Variants in RBM4 observed in about 807,000 individuals in gnomAD.
RBM4 encodes the protein RNA-binding protein 4.
RBM4 carries 7 observed loss-of-function variants against 29.5 expected under a neutral mutation model. The ratio of observed to expected loss-of-function variants is 0.24; its 90% CI spans 0.14 to 0.45. The LOEUF is 0.45. RBM4 is among the 20% of genes least tolerant of loss of function. RBM4 has a pLI of 1.00. For synonymous variants in RBM4, 220 were observed against 205.4 expected, an observed-to-expected ratio of 1.07 and a Z score of -0.61; for missense variants, 387 against 502.3, an observed-to-expected ratio of 0.77 and a Z score of 2.19.
At chr11:66,644,994 T>C (rs1411396368) in intron 3 of RBM4, among the ~76,000 whole-genome samples, 1 of 152,104 alleles carries the variant, frequency 6.6e-6, no homozygotes, top group Non-Finnish European at 1.5e-5. Context: ...TCTCAGGGTA[T>C]ATGTTTTAAG....
At position 66,640,087 on chromosome 11, in the gene RBM4, G is replaced by T; in HGVS notation, c.376G>T (p.Glu126Ter). 1 of 1,614,216 alleles carries T rather than the reference G, an allele frequency of 6.2e-7. No individual in the cohort carries two copies. The highest frequency in any genetic ancestry group is 8.5e-7 in the Non-Finnish European group (1 of 1,180,030). ...VHMERAEDAV[E>*]AIRGLDNTEF... ...CATGGAGCGGGCAGAGGATGCAGTG[G>T]AGGCCATCAGGGGCCTTGATAACAC... is the stretch of plus-strand genomic sequence containing the variant. Residue 126 changes from glutamate (E) to a stop codon, truncating the protein, a stop_gained, in exon 2 of 4, where the codon GAG (glutamate) becomes TAG (stop). Transcript: ENST00000310092. LOFTEE classifies it high-confidence loss of function.
rs1938560189 is a variant in RBM4, at chr11:66,643,560, T to C, written c.523T>C (p.Cys175Arg). ...GAAAGAGGGGCACTGGTCCAAAGAG[T>C]GTCCGATAGATCGTTCAGGCCGCGT... ...CGKEGHWSKECPIDRSGRVAD... is the reference protein window; with the variant it reads ...CGKEGHWSKERPIDRSGRVAD... Residue 175 changes from cysteine to arginine, a missense_variant, in exon 3 of 4, where the codon TGT becomes CGT. Transcript: ENST00000310092. This position sits in a 1 kb window ranked among gnomAD's most constrained non-coding sequence, Gnocchi z 6.1. The C allele has an allele frequency of 1.2e-6, 2 of 1,613,744 alleles. No individual in the cohort carries two copies. Among genetic ancestry groups the C allele is most frequent in the South Asian group, 1.1e-5 (1 of 91,070 alleles).
At chr11:66,649,036 GTCTC>G (rs1440701717), downstream of RBM4, among the ~76,000 whole-genome samples, 1 of 151,518 alleles carries the variant, frequency 6.6e-6, no homozygotes, top group African/African-American at 2.4e-5. Flanking sequence ...TTGAGACAGA[GTCTC>G]TCTGTTGCCC....
At chr11:66,649,631 G>C (rs1938783725), downstream of RBM4, 2 of 629,204 alleles carry the variant, frequency 3.2e-6, no homozygotes, top group Non-Finnish European at 5.7e-6. Context: ...CCAATCAAGT[G>C]TATCTTTGAG....
chr11:66,653,439 G>A (rs1938875939), intron 2 of RBM4, among the ~76,000 whole-genome samples: 1 of 146,296 alleles, frequency 6.8e-6, no homozygotes, highest in South Asian at 2.1e-4. Context: ...TCGGCTCACT[G>A]CAACCTCTGC....
chr11:66,661,059 G>A lies in RBM4; in HGVS notation c.413-4797G>A, dbSNP rs149672166. On this transcript the variant is annotated intron_variant, in intron 2 of 2. Transcript: ENST00000396053. ...GGATTTGCAGGGGTGACAGATACAC[G>A]GTTTGAATTTGGCCTGGATTCTCAA... Among the ~76,000 whole-genome samples, 730 of 152,232 alleles carry A rather than the reference G, an allele frequency of 4.8e-3. 5 individuals are homozygous for A. The highest frequency in any genetic ancestry group is 0.017 in the African/African-American group (694 of 41,538).
downstream of RBM4, chr11:66,649,683 G>A: frequency 1.4e-6 from 1 of 696,214 alleles, no homozygotes; most frequent in Non-Finnish European, 2.6e-6. Context: ...ACAAGGTTAT[G>A]CTGCCACTCC....
Position 66,643,363 on chromosome 11 carries a change from A to C in RBM4, c.413-87A>C. ...GTCCTGCATTAGAATTGTCTAGATA[A>C]AGCCATTGCTATGACCAGTGTCTGG... On this transcript the variant is annotated intron_variant, in intron 2 of 3. Transcript: ENST00000310092. This position sits in a 1 kb window ranked among gnomAD's most constrained non-coding sequence, Gnocchi z 6.1. 6.7e-7 allele frequency: 1 copy of C among 1,489,290 alleles called. No homozygotes were observed. Among genetic ancestry groups the C allele is most frequent in the East Asian group, 2.3e-5 (1 of 43,798 alleles). 92.3% of individuals were successfully genotyped at this position (1,489,290 alleles called of 1,614,324 possible).
intron 2 of RBM4, 171 bp downstream of exon 2, chr11:66,640,294 C>CT: frequency 1.1e-6 from 1 of 877,776 alleles, no homozygotes; most frequent in South Asian, 1.7e-5. Flanking sequence ...GACTTAGGGG[C>CT]TTTACCTTAG....
intron 2 of RBM4, among the ~76,000 whole-genome samples, chr11:66,663,004 A>G (rs1275147775): frequency 5.3e-5 from 8 of 152,184 alleles, no homozygotes; most frequent in African/African-American, 1.7e-4. Flanking sequence ...AATAAGGGAA[A>G]ATTTTTGCTT....
At chr11:66,665,712 T>C (rs758319142) in intron 2 of RBM4, 8 of 1,438,560 alleles carry the variant, frequency 5.6e-6, no homozygotes, top group African/African-American at 1.4e-5. Context: ...TCAGACTGGA[T>C]CTAACTCATA....
At chr11:66,644,256 C>T in intron 3 of RBM4, 116 bp downstream of exon 3, 2 of 1,381,492 alleles carry the variant, frequency 1.4e-6, no homozygotes, top group Non-Finnish European at 1.9e-6. Context: ...GGGAAGGTTA[C>T]TAGGATGGCT....
intron 2 of RBM4, among the ~76,000 whole-genome samples, chr11:66,653,637 C>T (rs367655285): frequency 6.6e-6 from 1 of 152,282 alleles, no homozygotes; most frequent in East Asian, 1.9e-4. Flanking sequence ...GTTGGGATTA[C>T]AGGTGTGACC....
chr11:66,660,397 G>GC (rs1239495090), intron 2 of RBM4, among the ~76,000 whole-genome samples: 33 of 148,868 alleles, frequency 2.2e-4, no homozygotes, highest in Admixed American at 2.7e-4. Flanking sequence ...CTGCAACCAG[G>GC]CTGGAGTGCA....
intron 2 of RBM4, among the ~76,000 whole-genome samples, chr11:66,656,224 C>A (rs964480332): frequency 6.6e-6 from 1 of 152,046 alleles, no homozygotes; most frequent in Non-Finnish European, 1.5e-5. Context: ...GCAAGCTCTA[C>A]CTCCTGGGTT....
At chr11:66,640,281 TG>T in intron 2 of RBM4, 158 bp downstream of exon 2, 1 of 998,354 alleles carries the variant, frequency 1.0e-6, no homozygotes, top group Non-Finnish European at 1.5e-6. Flanking sequence ...GTAGAATGCA[TG>T]GGACTTAGGG....
chr11:66,654,995 T>G (rs930137312), intron 2 of RBM4, among the ~76,000 whole-genome samples: 1 of 151,974 alleles, frequency 6.6e-6, no homozygotes, highest in African/African-American at 2.4e-5. Flanking sequence ...CAGCTAAATT[T>G]TTTTTTTGAG....
chr11:66,662,412 A>T (rs886549417), intron 2 of RBM4, among the ~76,000 whole-genome samples: 8 of 151,888 alleles, frequency 5.3e-5, no homozygotes, highest in Admixed American at 1.3e-4. Context: ...TTATTTATTT[A>T]TTTTTTTGAG....
chr11:66,640,321 G>C, intron 2 of RBM4, 198 bp downstream of exon 2: 1 of 704,650 alleles, frequency 1.4e-6, no homozygotes, highest in Non-Finnish European at 2.3e-6. Flanking sequence ...GTCTCCTGGA[G>C]AAAAGCCACT....
Sources: gnomAD v4.1 joint callset for allele counts (sites outside exome capture counted in the v4.1 genomes callset) on GRCh38, gnomAD v4.1.1 for gene constraint, Gnocchi (gnomAD v3.1) non-coding constraint, MANE v1.5 for transcripts, NCBI Gene and HGNC (gene_info 2026-07-23, HGNC 2026-07-21) for gene names.